WFIKKN2: variants seen among roughly 807,000 people sequenced by gnomAD.
WFIKKN2 encodes WAP, Kazal, immunoglobulin, Kunitz and NTR domain-containing protein 2.
In WFIKKN2, 25 loss-of-function variants were observed where a neutral mutation model predicts 39.2. The observed-to-expected ratio is 0.64, with a 90% CI of 0.47 to 0.89. The LOEUF (loss-of-function observed/expected upper bound fraction) is 0.89, where lower values mean the gene tolerates loss of function less well. WFIKKN2 is among the 40% of genes least tolerant of loss of function. The pLI, the probability that WFIKKN2 is intolerant of heterozygous loss-of-function variation, is 0.00. For synonymous variants in WFIKKN2, 345 were observed against 329.7 expected, an observed-to-expected ratio of 1.05 and a Z score of -0.50; for missense variants, 770 against 811.7, an observed-to-expected ratio of 0.95 and a Z score of 0.62.
At chr17:50,834,696 G>A (rs1971933889), upstream of WFIKKN2, 1 of 152,302 alleles carries the variant, frequency 6.6e-6, no homozygotes, top group Non-Finnish European at 1.5e-5. Flanking sequence ...TTTGTTGTGA[G>A]GATTAAATGA....
rs1972017999 is a variant in WFIKKN2, at chr17:50,840,099, C to T, written c.811C>T (p.Gln271Ter). The change falls in exon 2 of 2, where the codon CAG (glutamine) becomes TAG (stop). Residue 271 changes from glutamine to a stop codon, truncating the protein, a stop_gained. Transcript: ENST00000311378. LOFTEE classifies it high-confidence loss of function. ...RGNVVVTNIAQLVIYNAQLQD... is the reference protein window; with the variant it reads ...RGNVVVTNIA Reference sequence around the variant, plus strand: ...CAACGTGGTGGTCACCAACATTGCCCAGCTGGTCATCTATAACGCCCAGCT... The same window carrying T: ...CAACGTGGTGGTCACCAACATTGCCTAGCTGGTCATCTATAACGCCCAGCT... 2.5e-6 allele frequency: 4 copies of T among 1,614,200 alleles called. No individual in the cohort carries two copies. The highest frequency in any genetic ancestry group is 3.4e-6 in the Non-Finnish European group (4 of 1,180,042).
chr17:50,834,589 C>G (rs1177033712), upstream of WFIKKN2: 1 of 152,222 alleles, frequency 6.6e-6, no homozygotes, highest in Non-Finnish European at 1.5e-5. Flanking sequence ...AAGCTGGTGT[C>G]CCTGTTTCCT....
rs1972042217 is a variant in WFIKKN2 at position 50,841,210 on chromosome 17, A to T, written c.*191A>T. 1.9e-6 allele frequency: 1 copy of T among 523,944 alleles called. No individual in the cohort carries two copies. Among genetic ancestry groups the T allele is most frequent in the Non-Finnish European group, 3.2e-6 (1 of 310,296 alleles). 32.5% of individuals were successfully genotyped at this position (523,944 alleles called of 1,614,324 possible). On this transcript the variant is annotated 3_prime_UTR_variant, in exon 2 of 2. Coordinates refer to ENST00000311378, the MANE Select transcript of WFIKKN2 (RefSeq NM_175575.6). ...TCTTTGGGTTCAATAAGGGGTTCAT[A>T]TCTTTTTTAGCTGAGGGGGACAAGA...
In WFIKKN2 at chr17:50,835,759, G is replaced by C; in HGVS notation, c.-179G>C. 1.6e-6 allele frequency: 1 copy of C among 644,926 alleles called. No individual in the cohort carries two copies. Among genetic ancestry groups the C allele is most frequent in the Non-Finnish European group, 2.6e-6 (1 of 380,360 alleles). 40.0% of individuals were successfully genotyped at this position (644,926 alleles called of 1,614,324 possible). A position where few individuals can be genotyped will look rare whatever the true frequency, so the allele number is the denominator to read the frequency against. On this transcript the variant is annotated 5_prime_UTR_variant, in exon 1 of 2. Coordinates refer to ENST00000311378, the MANE Select transcript of WFIKKN2 (RefSeq NM_175575.6). ...TCTTTTATCTGAAGCCGCACAGCCC[G>C]GCAGGCTGTGCTGACTTGGTGGAGG...
In WFIKKN2 at chr17:50,841,364, G is replaced by A. The variant is rs551794817; in HGVS notation, c.*345G>A. The A allele has an allele frequency of 2.4e-4, 50 of 212,682 alleles. No homozygotes were observed. The Middle Eastern group carries it at 5.4e-3, about 23-fold the overall frequency. 13.2% of individuals were successfully genotyped at this position (212,682 alleles called of 1,614,324 possible). A position where few individuals can be genotyped will look rare whatever the true frequency, so the allele number is the denominator to read the frequency against. On this transcript the variant is annotated 3_prime_UTR_variant, in exon 2 of 2. Transcript: ENST00000311378. The stretch of plus-strand genomic sequence containing the variant: ...CTCCCCTAGCCAGTCTCCCAGCAAG[G>A]GTTTAAGAGATGGCCGCTGTGTGCT...
chr17:50,838,844 C>T (rs1971992387), intron 1 of WFIKKN2, among the ~76,000 whole-genome samples: 1 of 152,122 alleles, frequency 6.6e-6, no homozygotes, highest in South Asian at 2.1e-4. Flanking sequence ...TGTCGGTCTC[C>T]TTGAGGGGAG....
Position 50,841,832 on chromosome 17 carries a change from G to A in WFIKKN2, c.*813G>A, listed in dbSNP as rs1474429341. On this transcript the variant is annotated 3_prime_UTR_variant, in exon 2 of 2. Transcript: ENST00000311378. ...GGCCCCCAGACACACCCCTCCGCTG[G>A]ACTCACAACTGTCTGGAGTTTCTGT... is the stretch of plus-strand genomic sequence containing the variant. 1 of 152,110 alleles carries A rather than the reference G, an allele frequency of 6.6e-6. No individual in the cohort carries two copies. The highest frequency in any genetic ancestry group is 2.4e-5 in the African/African-American group (1 of 41,374). The allele number at this position is 152,110 out of a possible 1,614,324, so 9.4% of individuals were successfully genotyped here.
At chr17:50,837,919 G>A (rs1374572561) in intron 1 of WFIKKN2, among the ~76,000 whole-genome samples, 2 of 152,210 alleles carry the variant, frequency 1.3e-5, no homozygotes, top group East Asian at 1.9e-4. Context: ...GTGTCTTGGA[G>A]AGAAGGCACC....
At position 50,840,323 on chromosome 17, in the gene WFIKKN2, C is replaced by T. The variant is rs1279478883; in HGVS notation, c.1035C>T (p.His345=). The T allele has an allele frequency of 6.2e-7, 1 of 1,614,064 alleles. No individual in the cohort carries two copies. Among genetic ancestry groups the T allele is most frequent in the African/African-American group, 1.3e-5 (1 of 74,956 alleles). Residue 345 remains histidine, a synonymous_variant, in exon 2 of 2, where the codon CAC becomes CAT. Transcript: ENST00000311378. ...GTGGCGAAGAGCAGACCCGCTGGCA[C>T]TTCGATGCCCAGGCCAACAACTGCC... ...EDCGEEQTRW[H]FDAQANNCLT... is the part of the protein sequence containing the mutation.
At chr17:50,838,749 C>T (rs553237613) in intron 1 of WFIKKN2, among the ~76,000 whole-genome samples, 1 of 152,288 alleles carries the variant, frequency 6.6e-6, no homozygotes, top group East Asian at 1.9e-4. Context: ...GGCTCTGAGA[C>T]CTGGCGTGTG....
Position 50,842,218 on chromosome 17 carries a change from T to C in WFIKKN2, c.*1199T>C, listed in dbSNP as rs532350387. Reference sequence around the variant, plus strand: ...GGGAAACCCCACTGTCAGCTCTGCATCTGCCCCCACTACCCTCCTCTGCCC... The same window carrying C: ...GGGAAACCCCACTGTCAGCTCTGCACCTGCCCCCACTACCCTCCTCTGCCC... On this transcript the variant is annotated 3_prime_UTR_variant, in exon 2 of 2. Coordinates refer to ENST00000311378, the MANE Select transcript of WFIKKN2 (RefSeq NM_175575.6). The C allele has an allele frequency of 3.9e-5, 6 of 152,332 alleles. No individual in the cohort carries two copies. Among genetic ancestry groups the C allele is most frequent in the African/African-American group, 1.4e-4 (6 of 41,570 alleles). The allele number at this position is 152,332 out of a possible 1,614,324, so 9.4% of individuals were successfully genotyped here.
At chr17:50,837,323 G>A (rs1971972201) in intron 1 of WFIKKN2, among the ~76,000 whole-genome samples, 2 of 152,198 alleles carry the variant, frequency 1.3e-5, no homozygotes, top group South Asian at 4.1e-4. Context: ...GAGCAGCTCT[G>A]AATGGATCTC....
In WFIKKN2 at chr17:50,835,821, A is replaced by C. The variant is rs571718935; in HGVS notation, c.-117A>C. The C allele has an allele frequency of 5.3e-5, 62 of 1,161,166 alleles. No homozygotes were observed. In the African/African-American group the frequency reaches 8.4e-4, roughly 16 times the overall value. 71.9% of individuals were successfully genotyped at this position (1,161,166 alleles called of 1,614,324 possible). On this transcript the variant is annotated 5_prime_UTR_variant, in exon 1 of 2. Coordinates refer to ENST00000311378, the MANE Select transcript of WFIKKN2 (RefSeq NM_175575.6). ...GAGCAGCCTGAGCAGCAGCCTGAGC[A>C]GGAAACCTGCTGGGGTGGGGAGGGC...
Position 50,841,325 on chromosome 17 carries a change from C to A in WFIKKN2, c.*306C>A, listed in dbSNP as rs1972043425. On this transcript the variant is annotated 3_prime_UTR_variant, in exon 2 of 2. Transcript: ENST00000311378. Reference sequence around the variant, plus strand: ...CCCCTCACTGGCCCCACACCCCTGGCTCTCCCAGTCACCCTCCCCTAGCCA... The same window carrying A: ...CCCCTCACTGGCCCCACACCCCTGGATCTCCCAGTCACCCTCCCCTAGCCA... 3.8e-6 allele frequency: 1 copy of A among 262,834 alleles called. No individual in the cohort carries two copies. The highest frequency in any genetic ancestry group is 1.0e-4 in the South Asian group (1 of 9,686). 16.3% of individuals were successfully genotyped at this position (262,834 alleles called of 1,614,324 possible).
Position 50,840,791 on chromosome 17 carries a change from G to T in WFIKKN2, c.1503G>T (p.Gln501His), listed in dbSNP as rs762844264. ...AAATGGGCCTCAAGTTCCTGGGCCA[G>T]GAGCCATTGGAGGTCACTCTGCTTC... Reference protein sequence around the residue: ...DEKMGLKFLGQEPLEVTLLHV... With the variant: ...DEKMGLKFLGHEPLEVTLLHV... The change falls in exon 2 of 2, where the codon CAG becomes CAT. Residue 501 changes from glutamine (Q) to histidine (H), a missense_variant. By Grantham distance (24) the Gln-to-His change is conservative. Coordinates refer to ENST00000311378, the MANE Select transcript of WFIKKN2 (RefSeq NM_175575.6). 1.1e-5 allele frequency: 18 copies of T among 1,614,010 alleles called. No individual in the cohort carries two copies. Among genetic ancestry groups the T allele is most frequent in the Non-Finnish European group, 1.5e-5 (18 of 1,180,028 alleles).
intron 1 of WFIKKN2, among the ~76,000 whole-genome samples, chr17:50,838,079 T>C (rs887944951): frequency 6.6e-6 from 1 of 152,114 alleles, no homozygotes; most frequent in Non-Finnish European, 1.5e-5. Flanking sequence ...CTCCAGGTCC[T>C]GAATGTCTTA....
upstream of WFIKKN2, chr17:50,835,136 C>G (rs1203689015): frequency 6.6e-6 from 1 of 152,308 alleles, no homozygotes; most frequent in Non-Finnish European, 1.5e-5. Flanking sequence ...CGCACACCCC[C>G]CACAAAGGGC....
In WFIKKN2 at chr17:50,841,113, CT is replaced by C. The variant is rs1023556722; in HGVS notation, c.*96del. The C allele has an allele frequency of 1.1e-5, 14 of 1,284,322 alleles. No homozygotes were observed. In the African/African-American group the frequency reaches 2.1e-4, roughly 19 times the overall value. 79.6% of individuals were successfully genotyped at this position (1,284,322 alleles called of 1,614,324 possible). A position where few individuals can be genotyped will look rare whatever the true frequency, so the allele number is the denominator to read the frequency against. On this transcript the variant is annotated 3_prime_UTR_variant, in exon 2 of 2. Transcript: ENST00000311378. ...ACTGGGCGAGGTCAGATTAGACAGGCTTGGGACAGCAGGGAAACATCAACCG... is the reference window on the plus strand; with the variant it reads ...ACTGGGCGAGGTCAGATTAGACAGGCTGGGACAGCAGGGAAACATCAACCG...
At position 50,840,065 on chromosome 17, in the gene WFIKKN2, T is replaced by C. The variant is rs768349801; in HGVS notation, c.777T>C (p.His259=). Residue 259 remains histidine (H), a synonymous_variant, in exon 2 of 2, where the codon CAT becomes CAC. Transcript: ENST00000311378. ...AGAATGTGGTCATGCGGCCCAACCA[T>C]GTGCGTGGCAACGTGGTGGTCACCA... is the stretch of plus-strand genomic sequence containing the variant. ...DRENVVMRPN[H]VRGNVVVTNI... The C allele has an allele frequency of 5.0e-6, 8 of 1,614,088 alleles. No individual in the cohort carries two copies. In the South Asian group the frequency reaches 6.6e-5, roughly 13 times the overall value.
Sources: gnomAD v4.1 joint callset for allele counts (sites outside exome capture counted in the v4.1 genomes callset) on GRCh38, gnomAD v4.1.1 for gene constraint, MANE v1.5 for transcripts, NCBI Gene and HGNC (gene_info 2026-07-23, HGNC 2026-07-21) for gene names.